ADAMTS18: variants seen among roughly 807,000 people sequenced by gnomAD.
ADAMTS18 encodes the protein A disintegrin and metalloproteinase with thrombospondin motifs 18.
ADAMTS18 carries 157 observed loss-of-function variants against 165.9 expected under a neutral mutation model. The ratio of observed to expected loss-of-function variants is 0.95; its 90% CI spans 0.83 to 1.08. The LOEUF (loss-of-function observed/expected upper bound fraction) is 1.08, where lower values mean the gene tolerates loss of function less well. ADAMTS18 is among the 50% of genes least tolerant of loss of function. The probability of loss-of-function intolerance (pLI) is 0.00; values close to 1 mark genes in which losing one functional copy is unlikely to be tolerated. For synonymous variants in ADAMTS18, 782 were observed against 578.2 expected (o/e 1.35, Z -5.06); for missense variants, 2,040 against 1,534.0 (o/e 1.33, Z -5.51).
intron 3 of ADAMTS18, among the ~76,000 whole-genome samples, chr16:77,404,143 G>T (rs992547350): frequency 6.6e-6 from 1 of 152,008 alleles, no homozygotes; most frequent in South Asian, 2.1e-4. Flanking sequence ...AAAGACAACT[G>T]TGTCTCCTAA....
Position 77,364,252 on chromosome 16 carries a change from T to C in ADAMTS18, c.908A>G (p.Lys303Arg). Residue 303 changes from lysine (K) to arginine (R), a missense_variant, in exon 5 of 23, where the codon AAG becomes AGG. Physicochemically the swap from Lys to Arg is conservative, Grantham distance 26. Transcript: ENST00000282849. ...LNVETLVVAD[K>R]KMVEKHGKGN... The stretch of plus-strand genomic sequence containing the variant: ...CTTGCCATGCTTTTCCACCATTTTC[T>C]TGTCTGCCACCACGAGGGTTTCCAC... 2 of 1,614,042 alleles carry C rather than the reference T, an allele frequency of 1.2e-6. No individual in the cohort carries two copies. Among genetic ancestry groups the C allele is most frequent in the Non-Finnish European group, 1.7e-6 (2 of 1,180,014 alleles).
At chr16:77,382,932 C>T (rs908677738) in intron 3 of ADAMTS18, among the ~76,000 whole-genome samples, 2 of 152,148 alleles carry the variant, frequency 1.3e-5, no homozygotes, top group African/African-American at 2.4e-5. Flanking sequence ...AAGATCCTAC[C>T]TCATATCCAT....
At chr16:77,306,645 G>A (rs2144606761) in intron 16 of ADAMTS18, among the ~76,000 whole-genome samples, 1 of 152,164 alleles carries the variant, frequency 6.6e-6, no homozygotes, top group South Asian at 2.1e-4. Context: ...TTTAATGCAT[G>A]CTAGGAAACT....
chr16:77,361,644 G>A (rs2056714908), intron 7 of ADAMTS18, among the ~76,000 whole-genome samples: 1 of 152,206 alleles, frequency 6.6e-6, no homozygotes, highest in Non-Finnish European at 1.5e-5. Context: ...AGGACTTTGG[G>A]AGACCAAGGC....
At chr16:77,424,577 C>A (rs915077991) in intron 3 of ADAMTS18, among the ~76,000 whole-genome samples, 1 of 151,976 alleles carries the variant, frequency 6.6e-6, no homozygotes, top group African/African-American at 2.4e-5. Flanking sequence ...TGCTCTCTGG[C>A]AAGAACCTTG....
intron 16 of ADAMTS18, among the ~76,000 whole-genome samples, chr16:77,302,363 C>CAG (rs1033308430): frequency 6.6e-6 from 1 of 152,004 alleles, no homozygotes; most frequent in Non-Finnish European, 1.5e-5. Context: ...AACAAAAATG[C>CAG]AGAGACCTTG....
rs527294098 is a variant in ADAMTS18 at position 77,409,360 on chromosome 16, C to T, written c.495+21935G>A. Among the ~76,000 whole-genome samples, 6 of 152,180 alleles carry T rather than the reference C, an allele frequency of 3.9e-5. No individual in the cohort carries two copies. In the East Asian group the frequency reaches 5.8e-4, roughly 15 times the overall value. ...CTACATTGCCTGAAGCCTTGTCCTA[C>T]GAAACAGACACCGAAGAAAATAGAG... On this transcript the variant is annotated intron_variant, in intron 3 of 22. Transcript: ENST00000282849.
At chr16:77,293,687 G>A (rs113477981) in intron 19 of ADAMTS18, among the ~76,000 whole-genome samples, 8 of 150,870 alleles carry the variant, frequency 5.3e-5, no homozygotes, top group East Asian at 2.0e-4. Flanking sequence ...TTCCATGGAC[G>A]GGCAGGGTGG....
chr16:77,423,411 A>G (rs549869413), intron 3 of ADAMTS18, among the ~76,000 whole-genome samples: 1 of 152,282 alleles, frequency 6.6e-6, no homozygotes, highest in East Asian at 1.9e-4. Flanking sequence ...ATCACAACTG[A>G]TATTATTACT....
chr16:77,358,487 G>C (rs751896522), intron 8 of ADAMTS18, among the ~76,000 whole-genome samples: 1 of 152,110 alleles, frequency 6.6e-6, no homozygotes, highest in Admixed American at 6.6e-5. Flanking sequence ...ACTTGAACCC[G>C]GGAGGCGGAG....
chr16:77,368,283 C>A (rs1383791943), intron 3 of ADAMTS18, among the ~76,000 whole-genome samples: 3 of 152,142 alleles, frequency 2.0e-5, no homozygotes, highest in African/African-American at 7.2e-5. Context: ...GGGCTGCCAG[C>A]CCTGATGTTT....
chr16:77,428,376 C>T (rs950099945), intron 3 of ADAMTS18, among the ~76,000 whole-genome samples: 2 of 152,022 alleles, frequency 1.3e-5, no homozygotes, highest in Non-Finnish European at 2.9e-5. Context: ...CCCTGATTAA[C>T]CAAAGAAGCT....
chr16:77,374,651 G>A (rs1410292883), intron 3 of ADAMTS18, among the ~76,000 whole-genome samples: 2 of 152,202 alleles, frequency 1.3e-5, no homozygotes, highest in East Asian at 1.9e-4. Context: ...CCACTTAAGT[G>A]CTTTAACTGG....
At chr16:77,412,998 T>G (rs72801671) in intron 3 of ADAMTS18, among the ~76,000 whole-genome samples, 149 of 152,230 alleles carry the variant, frequency 9.8e-4, no homozygotes, top group East Asian at 1.9e-3. Context: ...TGCCTGGCCC[T>G]TATAATGCAT....
intron 3 of ADAMTS18, among the ~76,000 whole-genome samples, chr16:77,405,422 G>C (rs989489431): frequency 2.0e-5 from 3 of 152,186 alleles, no homozygotes; most frequent in Non-Finnish European, 4.4e-5. Context: ...TGAATGAGCA[G>C]ATGGCCTGTA....
intron 3 of ADAMTS18, among the ~76,000 whole-genome samples, chr16:77,369,201 T>C (rs1313553439): frequency 1.3e-5 from 2 of 152,230 alleles, no homozygotes; most frequent in East Asian, 3.9e-4. Flanking sequence ...ATCAGTTATG[T>C]CACATTTTTC....
rs1313869044 is a variant in ADAMTS18, at chr16:77,295,010, A to C, written c.2919T>G (p.Ser973=). 7 of 1,614,046 alleles carry C rather than the reference A, an allele frequency of 4.3e-6. No homozygotes were observed. The Admixed American group carries it at 5.0e-5, about 12-fold the overall frequency. ...PFQKEEAVLH[S]LCPVSTPTQV... is the part of the protein sequence containing the mutation. ...GAGTGGGTGTGCTCACTGGACAGAG[A>C]GAATGCAACACTGCTTCCTCCTTTT... is the stretch of plus-strand genomic sequence containing the variant. Residue 973 remains serine, a synonymous_variant, in exon 19 of 23, where the codon TCT becomes TCG. Transcript: ENST00000282849.
At chr16:77,322,919 A>G (rs1358630108) in intron 13 of ADAMTS18, among the ~76,000 whole-genome samples, 1 of 152,182 alleles carries the variant, frequency 6.6e-6, no homozygotes, top group African/African-American at 2.4e-5. Flanking sequence ...ATTACTTTAG[A>G]TATTTACTCA....
chr16:77,429,880 T>C (rs1034854281), intron 3 of ADAMTS18, among the ~76,000 whole-genome samples: 9 of 152,212 alleles, frequency 5.9e-5, no homozygotes, highest in African/African-American at 2.2e-4. Flanking sequence ...ATGTAAACTC[T>C]TGTTATTCCC....
Sources: allele counts gnomAD v4.1 joint callset (sites outside exome capture counted in the v4.1 genomes callset), GRCh38; gene constraint gnomAD v4.1.1; transcripts MANE v1.5; gene names NCBI Gene and HGNC (gene_info 2026-07-23, HGNC 2026-07-21).